SLC9A7: variants seen among roughly 807,000 people sequenced by gnomAD.
SLC9A7 encodes the protein solute carrier family 9 member A7, also known as sodium/hydrogen exchanger 7.
Under a neutral mutation model 52.6 loss-of-function variants are expected in SLC9A7, and 19 were observed. That is an observed-to-expected ratio of 0.36 (90% CI 0.25 to 0.53). SLC9A7 has a LOEUF of 0.53. Ranked by LOEUF, SLC9A7 falls within the 20% of genes least tolerant of loss-of-function variation. SLC9A7 has a pLI of 0.91. For missense variants in SLC9A7, 455 were observed against 597.9 expected (o/e 0.76, Z 2.49); for synonymous variants, 226 against 252.1 (o/e 0.90, Z 0.98).
At chrX:46,611,958 T>C (rs985344526) in intron 16 of SLC9A7, among the ~76,000 whole-genome samples, 1 of 111,982 alleles carries the variant, frequency 8.9e-6, no homozygotes, top group African/African-American at 3.2e-5. Flanking sequence ...CTACCCCTCG[T>C]TAGAACTTAC....
chrX:46,738,095 GAAAGAAAGAA>G (rs1921002407), intron 1 of SLC9A7, among the ~76,000 whole-genome samples: 2 of 56,667 alleles, frequency 3.5e-5, no homozygotes, highest in African/African-American at 8.8e-5. Context: ...AAGAAAGAAA[GAAAGAAAGAA>G]AGAGAAAAGA....
intron 1 of SLC9A7, among the ~76,000 whole-genome samples, chrX:46,719,007 T>C (rs1050406840): frequency 3.6e-5 from 4 of 111,803 alleles, no homozygotes; most frequent in African/African-American, 9.8e-5. Context: ...CATATGTTTA[T>C]TGTGGCACTA....
At chrX:46,618,002 A>G (rs1472633985) in intron 15 of SLC9A7, among the ~76,000 whole-genome samples, 1 of 111,629 alleles carries the variant, frequency 9.0e-6, no homozygotes, top group Non-Finnish European at 1.9e-5. Flanking sequence ...AAAATAAGAC[A>G]AAACCATCTG....
At chrX:46,632,117 G>C (rs1282696845) in intron 13 of SLC9A7, among the ~76,000 whole-genome samples, 1 of 112,003 alleles carries the variant, frequency 8.9e-6, no homozygotes, top group Non-Finnish European at 1.9e-5. Flanking sequence ...ACCATCACTA[G>C]ACTCTACCAT....
chrX:46,718,363 A>G (rs762389561), intron 1 of SLC9A7, among the ~76,000 whole-genome samples: 1 of 112,169 alleles, frequency 8.9e-6, no homozygotes, highest in African/African-American at 3.2e-5. Context: ...AACCTAGGCA[A>G]TACCATTCAG....
chrX:46,749,044 C>A (rs749105213), intron 1 of SLC9A7, among the ~76,000 whole-genome samples: 189 of 111,862 alleles, frequency 1.7e-3, no homozygotes, highest in Admixed American at 3.6e-3. Context: ...TTTGTGTACT[C>A]ATTTATTCCT....
intron 4 of SLC9A7, among the ~76,000 whole-genome samples, chrX:46,671,516 G>A (rs762972900): frequency 8.3e-4 from 91 of 109,967 alleles, no homozygotes; most frequent in African/African-American, 2.5e-3. Context: ...TGATCTGCCC[G>A]CCTCGGCCTC....
At chrX:46,651,502 G>T in intron 8 of SLC9A7, 98 bp from the exon 9 acceptor site, 1 of 654,158 alleles carries the variant, frequency 1.5e-6, no homozygotes, top group Non-Finnish European at 2.4e-6. Context: ...GGCAAGCCTA[G>T]CATATCCAAC....
intron 12 of SLC9A7, among the ~76,000 whole-genome samples, chrX:46,636,883 T>G (rs777295609): frequency 8.9e-6 from 1 of 112,304 alleles, no homozygotes; most frequent in Admixed American, 9.4e-5. Context: ...GAGGACACGA[T>G]GCTTCTTAAG....
intron 16 of SLC9A7, among the ~76,000 whole-genome samples, chrX:46,611,248 A>C (rs942265506): frequency 1.8e-5 from 2 of 112,194 alleles, no homozygotes; most frequent in Non-Finnish European, 3.8e-5. Context: ...TAAGTTTTTA[A>C]TCTATTGGTT....
At chrX:46,725,375 T>G (rs1261394179) in intron 1 of SLC9A7, 1 of 1,198,118 alleles carries the variant, frequency 8.3e-7, no homozygotes, top group East Asian at 3.0e-5. Context: ...TGCGACTCAG[T>G]GCTTCTTGGA....
intron 1 of SLC9A7, among the ~76,000 whole-genome samples, chrX:46,704,505 G>A (rs1048546495): frequency 2.7e-5 from 3 of 111,988 alleles, no homozygotes; most frequent in Non-Finnish European, 5.6e-5. Flanking sequence ...GAAATTTCCT[G>A]AGTCATGAAA....
At chrX:46,707,009 G>T (rs912976137) in intron 1 of SLC9A7, among the ~76,000 whole-genome samples, 3 of 111,240 alleles carry the variant, frequency 2.7e-5, no homozygotes, top group African/African-American at 9.8e-5. Context: ...CCAAAGTGCT[G>T]GGATTACAGC....
intron 7 of SLC9A7, among the ~76,000 whole-genome samples, chrX:46,659,060 T>C (rs1395374491): frequency 9.0e-6 from 1 of 110,739 alleles, no homozygotes. Flanking sequence ...GATGCAAGGC[T>C]GGTTCAATAT....
intron 12 of SLC9A7, among the ~76,000 whole-genome samples, chrX:46,642,123 A>G (rs1427236292): frequency 1.8e-5 from 2 of 111,751 alleles, no homozygotes; most frequent in African/African-American, 6.5e-5. Flanking sequence ...CATCTATACA[A>G]AAACCCCAGA....
intron 13 of SLC9A7, among the ~76,000 whole-genome samples, chrX:46,634,337 T>C (rs1209357170): frequency 8.9e-6 from 1 of 111,787 alleles, no homozygotes; most frequent in African/African-American, 3.3e-5. Flanking sequence ...CAGAATGATA[T>C]TGATAATATC....
At chrX:46,755,083 TC>T (rs1556291087) in intron 1 of SLC9A7, among the ~76,000 whole-genome samples, 1 of 112,294 alleles carries the variant, frequency 8.9e-6, no homozygotes, top group Admixed American at 9.4e-5. Flanking sequence ...GTAGCTACCT[TC>T]CCTTGTAGCT....
At position 46,747,202 on chromosome X, in the gene SLC9A7, G is replaced by A. The variant is rs192816374; in HGVS notation, c.325+11503C>T. On this transcript the variant is annotated intron_variant, in intron 1 of 16. Transcript: ENST00000616978. The stretch of plus-strand genomic sequence containing the variant: ...AGTACACATATACAGTTTGGTGGAA[G>A]AAACAAAGCCTAGTGTTTGGTAGAT... Among the ~76,000 whole-genome samples the A allele has an allele frequency of 9.8e-5, 11 of 111,982 alleles. No homozygotes were observed. The East Asian group carries it at 3.1e-3, about 31-fold the overall frequency.
chrX:46,742,735 T>C (rs1269480066), intron 1 of SLC9A7, among the ~76,000 whole-genome samples: 3 of 111,948 alleles, frequency 2.7e-5, no homozygotes, highest in Non-Finnish European at 5.6e-5. Flanking sequence ...CAATTTTACT[T>C]GTGATAATGT....
Sources: allele counts gnomAD v4.1 joint callset (sites outside exome capture counted in the v4.1 genomes callset), GRCh38; gene constraint gnomAD v4.1.1; transcripts MANE v1.5; gene names NCBI Gene and HGNC (gene_info 2026-07-23, HGNC 2026-07-21).